The following MTUS2 variants were observed in gnomAD, a reference collection of about 807,000 sequenced individuals.
MTUS2 encodes the protein microtubule associated scaffold protein 2, also known as microtubule-associated tumor suppressor candidate 2.
A neutral mutation model predicts 114.1 loss-of-function variants in MTUS2; 40 were observed. That is an observed-to-expected ratio of 0.35 (90% CI 0.27 to 0.46). The LOEUF is 0.46. MTUS2 is among the 20% of genes least tolerant of loss of function. The probability of loss-of-function intolerance (pLI) is 1.00; values close to 1 mark genes in which losing one functional copy is unlikely to be tolerated. For synonymous variants in MTUS2, 688 were observed against 672.0 expected (o/e 1.02, Z -0.37); for missense variants, 1,679 against 1,705.4 (o/e 0.98, Z 0.27).
intron 7 of MTUS2, among the ~76,000 whole-genome samples, chr13:29,333,263 T>G (rs143311463): frequency 3.4e-4 from 52 of 152,276 alleles, no homozygotes; most frequent in African/African-American, 1.1e-3. Context: ...AATGGTGTGA[T>G]CTCAGCTGAC....
At chr13:28,887,476 G>C (rs1417635939) in intron 2 of MTUS2, among the ~76,000 whole-genome samples, 2 of 152,330 alleles carry the variant, frequency 1.3e-5, no homozygotes, top group South Asian at 4.1e-4. Context: ...GTCTAGTGGA[G>C]AGCAGACATT....
chr13:29,478,711 C>T (rs1019824371), intron 9 of MTUS2, among the ~76,000 whole-genome samples: 1 of 151,976 alleles, frequency 6.6e-6, no homozygotes, highest in Non-Finnish European at 1.5e-5. Flanking sequence ...TGGAACAGCT[C>T]CAACCACTCT....
At chr13:28,823,550 A>G (rs578104815) in intron 1 of MTUS2, among the ~76,000 whole-genome samples, 1 of 152,274 alleles carries the variant, frequency 6.6e-6, no homozygotes, top group South Asian at 2.1e-4. Flanking sequence ...CCACCCATCC[A>G]CAGAGACTCT....
At chr13:29,118,756 G>A (rs964606902) in intron 5 of MTUS2, among the ~76,000 whole-genome samples, 3 of 152,174 alleles carry the variant, frequency 2.0e-5, no homozygotes, top group African/African-American at 7.2e-5. Flanking sequence ...AGCAAGCTGG[G>A]CAGGACAGTG....
intron 8 of MTUS2, among the ~76,000 whole-genome samples, chr13:29,389,509 G>C (rs148617075): frequency 0.013 from 612 of 48,570 alleles, 130 homozygotes; most frequent in African/African-American, 0.031. Flanking sequence ...ATGTATACAC[G>C]TGTGTGTATG....
chr13:29,351,478 G>A (rs1162375489), intron 7 of MTUS2, among the ~76,000 whole-genome samples: 1 of 152,112 alleles, frequency 6.6e-6, no homozygotes, highest in African/African-American at 2.4e-5. Context: ...GGACATCCAG[G>A]CTTGAGAAAG....
intron 4 of MTUS2, among the ~76,000 whole-genome samples, chr13:29,057,719 C>T (rs893542776): frequency 1.3e-5 from 2 of 152,126 alleles, no homozygotes; most frequent in Non-Finnish European, 2.9e-5. Flanking sequence ...CTCTTGTAGA[C>T]AGCATACAGT....
At chr13:29,125,515 A>T (rs959982967) in intron 5 of MTUS2, among the ~76,000 whole-genome samples, 3 of 152,238 alleles carry the variant, frequency 2.0e-5, no homozygotes, top group African/African-American at 7.2e-5. Flanking sequence ...TAGCTACTTT[A>T]TTGAATAATA....
In MTUS2 at chr13:29,120,368, T is replaced by G. The variant is rs1395786137; in HGVS notation, c.2644+19398T>G. 2.6e-5 allele frequency among the ~76,000 whole-genome samples: 4 copies of G among 152,170 alleles called. No homozygotes were observed. The East Asian group carries it at 7.7e-4, about 29-fold the overall frequency. ...CTTCATTCTTGTTGTAATAGTAAAA[T>G]ATATTTTCACAAATATCCATGATTA... On this transcript the variant is annotated intron_variant, in intron 5 of 15. Coordinates refer to ENST00000612955, the MANE Select transcript of MTUS2 (RefSeq NM_001033602.4).
intron 6 of MTUS2, among the ~76,000 whole-genome samples, chr13:29,288,992 C>G (rs888454903): frequency 3.9e-5 from 6 of 152,142 alleles, no homozygotes; most frequent in Non-Finnish European, 8.8e-5. Flanking sequence ...AAAAACAAAT[C>G]TAGCTGGGTT....
intron 5 of MTUS2, among the ~76,000 whole-genome samples, chr13:29,243,133 C>T (rs910865890): frequency 1.3e-5 from 2 of 152,022 alleles, no homozygotes; most frequent in Non-Finnish European, 2.9e-5. Flanking sequence ...AGCTGGGGCA[C>T]GAAATCAAAG....
Position 29,026,173 on chromosome 13 carries a change from G to T in MTUS2, c.1475G>T (p.Gly492Val), listed in dbSNP as rs1330607742. The change falls in exon 3 of 16, where the codon GGC becomes GTC. Residue 492 changes from glycine (G) to valine (V), a missense_variant. Gly to Val is a moderately radical substitution (Grantham distance 109). This residue lies in a region of MTUS2 where 843 missense variants were observed against 770.8 expected (regional missense o/e 1.09). Coordinates refer to ENST00000612955, the MANE Select transcript of MTUS2 (RefSeq NM_001033602.4). ...EVPEPLDPQSGRSEARESKEV... is the reference protein window; with the variant it reads ...EVPEPLDPQSVRSEARESKEV... The stretch of plus-strand genomic sequence containing the variant: ...CCTGAGCCCCTGGACCCTCAAAGTG[G>T]CCGCTCAGAAGCACGGGAAAGCAAA... 4 of 1,613,872 alleles carry T rather than the reference G, an allele frequency of 2.5e-6. No homozygotes were observed. The highest frequency in any genetic ancestry group is 3.4e-6 in the Non-Finnish European group (4 of 1,179,898).
intron 8 of MTUS2, among the ~76,000 whole-genome samples, chr13:29,382,018 A>G (rs1417152691): frequency 1.3e-5 from 2 of 152,200 alleles, no homozygotes; most frequent in Non-Finnish European, 2.9e-5. Flanking sequence ...CAGAGAGCAG[A>G]ACACGCATGC....
At chr13:29,196,976 G>A (rs971948043) in intron 5 of MTUS2, among the ~76,000 whole-genome samples, 5 of 152,326 alleles carry the variant, frequency 3.3e-5, no homozygotes, top group East Asian at 1.9e-4. Flanking sequence ...ATACCCAGAA[G>A]TGGGATTACT....
intron 4 of MTUS2, among the ~76,000 whole-genome samples, chr13:29,073,106 T>C (rs1211541888): frequency 1.3e-5 from 2 of 152,232 alleles, no homozygotes; most frequent in Non-Finnish European, 2.9e-5. Flanking sequence ...TATTTGTGAA[T>C]GTCTGGGTTA....
chr13:29,414,579 A>T (rs1322131592), intron 8 of MTUS2, among the ~76,000 whole-genome samples: 1 of 150,556 alleles, frequency 6.6e-6, no homozygotes, highest in East Asian at 1.9e-4. Context: ...AATTTGCTCT[A>T]TTTAAACTTT....
chr13:28,933,877 A>G (rs547469810), intron 2 of MTUS2, among the ~76,000 whole-genome samples: 24 of 152,272 alleles, frequency 1.6e-4, no homozygotes, highest in South Asian at 1.0e-3. Flanking sequence ...CCATTGGTCA[A>G]TGAGCTGCAG....
intron 2 of MTUS2, among the ~76,000 whole-genome samples, chr13:28,941,637 A>G (rs1338985788): frequency 6.6e-6 from 1 of 152,132 alleles, no homozygotes; most frequent in African/African-American, 2.4e-5. Flanking sequence ...GTTGACGTAT[A>G]TGAAGAAAAT....
At chr13:29,097,236 A>G (rs1314000409) in intron 4 of MTUS2, among the ~76,000 whole-genome samples, 1 of 152,220 alleles carries the variant, frequency 6.6e-6, no homozygotes, top group East Asian at 1.9e-4. Context: ...TGGATTTAGT[A>G]GAGTTTCTTA....
Sources: allele counts gnomAD v4.1 joint callset (sites outside exome capture counted in the v4.1 genomes callset), GRCh38; gene constraint gnomAD v4.1.1; regional missense constraint gnomAD v4.1.1; transcripts MANE v1.5; gene names NCBI Gene and HGNC (gene_info 2026-07-23, HGNC 2026-07-21).